Variants in CASKIN1 observed in about 807,000 individuals in gnomAD.
CASKIN1 encodes the protein CASK interacting protein 1.
A neutral mutation model predicts 117.5 loss-of-function variants in CASKIN1; 42 were observed. The ratio of observed to expected loss-of-function variants is 0.36; its 90% CI spans 0.28 to 0.46. The LOEUF is 0.46. CASKIN1 is among the 20% of genes least tolerant of loss of function. The pLI is 1.00. For missense variants in CASKIN1, 2,083 were observed against 2,077.3 expected (o/e 1.00, Z -0.05); for synonymous variants, 1,148 against 961.7 (o/e 1.19, Z -3.59).
intron 5 of CASKIN1, 30 bp downstream of exon 5, chr16:2,189,208 C>G (rs1306860271): frequency 1.2e-6 from 2 of 1,612,854 alleles, no homozygotes; most frequent in Non-Finnish European, 8.5e-7. Context: ...CTCCCCAGCC[C>G]CACCCCACAG....
At position 2,178,239 on chromosome 16, in the gene CASKIN1, C is replaced by T. The variant is rs1042233667; in HGVS notation, c.*311G>A. 1 of 410,662 alleles carries T rather than the reference C, an allele frequency of 2.4e-6. No individual in the cohort carries two copies. Among genetic ancestry groups the T allele is most frequent in the South Asian group, 2.3e-5 (1 of 44,428 alleles). The allele number at this position is 410,662 out of a possible 1,614,324, so 25.4% of individuals were successfully genotyped here. A position where few individuals can be genotyped will look rare whatever the true frequency, so the allele number is the denominator to read the frequency against. On this transcript the variant is annotated 3_prime_UTR_variant, in exon 20 of 20. Coordinates refer to ENST00000343516, the MANE Select transcript of CASKIN1 (RefSeq NM_020764.4). Reference sequence around the variant, plus strand: ...CCGATGGGCAGTTCTGTGCTGGGCCCGGGCCTGTGCGCTGCCCCATCCCTG... The same window carrying T: ...CCGATGGGCAGTTCTGTGCTGGGCCTGGGCCTGTGCGCTGCCCCATCCCTG...
At chr16:2,189,838 G>A (rs2093196078) in intron 3 of CASKIN1, among the ~76,000 whole-genome samples, 1 of 151,984 alleles carries the variant, frequency 6.6e-6, no homozygotes, top group Non-Finnish European at 1.5e-5. Context: ...TGGGGGGAAT[G>A]CTGGGAGCTG....
At chr16:2,187,817 C>T (rs1019342650) in intron 6 of CASKIN1, among the ~76,000 whole-genome samples, 1 of 151,876 alleles carries the variant, frequency 6.6e-6, no homozygotes, top group Admixed American at 6.6e-5. Flanking sequence ...GACGGGGTTT[C>T]ACCATTTTGG....
At chr16:2,192,693 C>G (rs1486688928) in intron 1 of CASKIN1, among the ~76,000 whole-genome samples, 1 of 152,212 alleles carries the variant, frequency 6.6e-6, no homozygotes, top group African/African-American at 2.4e-5. Flanking sequence ...ACCCTGCCCG[C>G]CCCGCAGCTG....
rs769638043 is a variant in CASKIN1, at chr16:2,178,532, G to A, written c.*18C>T. 81 of 1,558,982 alleles carry A rather than the reference G, an allele frequency of 5.2e-5. No homozygotes were observed. The highest frequency in any genetic ancestry group is 6.5e-5 in the Non-Finnish European group (75 of 1,159,058). On this transcript the variant is annotated 3_prime_UTR_variant, in exon 20 of 20. Transcript: ENST00000343516. ...GGGGAGGGCCCGGGCGGCGCGGGAG[G>A]GCCCGGCCAGGCGGCGTTCACTCCA...
In CASKIN1 at chr16:2,184,876, C is replaced by A. The variant is rs767186516; in HGVS notation, c.1325-8G>T. Reference sequence around the variant, plus strand: ...GCTGGGACCGGGCCACACCTGAGGACGAGAGTGGGTGGGGGACAAGGGCTG... The same window carrying A: ...GCTGGGACCGGGCCACACCTGAGGAAGAGAGTGGGTGGGGGACAAGGGCTG... On this transcript the variant is annotated splice_polypyrimidine_tract_variant and splice_region_variant and intron_variant, in intron 13 of 19. Transcript: ENST00000343516. The A allele has an allele frequency of 6.4e-7, 1 of 1,574,610 alleles. No individual in the cohort carries two copies.
Position 2,181,316 on chromosome 16 carries a change from G to A in CASKIN1, c.2052C>T (p.Pro684=). 3 of 1,605,046 alleles carry A rather than the reference G, an allele frequency of 1.9e-6. No individual in the cohort carries two copies. Among genetic ancestry groups the A allele is most frequent in the Non-Finnish European group, 2.5e-6 (3 of 1,178,732 alleles). ...TTEKPSSHLP[P]TPRATTRQDS... is the part of the protein sequence containing the mutation. The stretch of plus-strand genomic sequence containing the variant: ...CCTGCCGCGTGGTGGCCCTCGGGGT[G>A]GGTGGCAGGTGGCTGGAGGGCTTCT... Residue 684 remains proline, a synonymous_variant, in exon 18 of 20, where the codon CCC becomes CCT. Coordinates refer to ENST00000343516, the MANE Select transcript of CASKIN1 (RefSeq NM_020764.4).
At position 2,186,727 on chromosome 16, in the gene CASKIN1, T is replaced by G. The variant is rs1197580988; in HGVS notation, c.1028A>C (p.Glu343Ala). 2 of 1,612,640 alleles carry G rather than the reference T, an allele frequency of 1.2e-6. No individual in the cohort carries two copies. The highest frequency in any genetic ancestry group is 1.7e-6 in the Non-Finnish European group (2 of 1,179,876). Residue 343 changes from glutamate to alanine, a missense_variant, in exon 10 of 20, where the codon GAG becomes GCG. Glu to Ala is a moderately radical substitution (Grantham distance 107). This residue lies in a region of CASKIN1 where 1,818 missense variants were observed against 1,688.9 expected (regional missense o/e 1.08). Transcript: ENST00000343516. ...CTTGCCTGCTCGCTTGACAATGGCC[T>G]CGCCCAGGGAGGACGGGAAGTAGCC... ...RVGYFPSSLG[E>A]AIVKRAGSRA... is the part of the protein sequence containing the mutation.
At position 2,181,385 on chromosome 16, in the gene CASKIN1, C is replaced by A. The variant is rs776250379; in HGVS notation, c.1983G>T (p.Leu661=). The A allele has an allele frequency of 3.1e-6, 5 of 1,609,726 alleles. No individual in the cohort carries two copies. The African/African-American group carries it at 4.0e-5, about 13-fold the overall frequency. Residue 661 remains leucine, a synonymous_variant, in exon 18 of 20, where the codon CTG becomes CTT. Coordinates refer to ENST00000343516, the MANE Select transcript of CASKIN1 (RefSeq NM_020764.4). ...CAGCCGGGCCAGTCATGGCAGCCTG[C>A]AGCTCGTCACTGAGCTCGCTGTCCT... ...TFQDSELSDE[L]QAAMTGPAEV...
intron 6 of CASKIN1, among the ~76,000 whole-genome samples, chr16:2,188,086 C>T (rs906089369): frequency 9.4e-5 from 14 of 149,280 alleles, no homozygotes; most frequent in African/African-American, 2.7e-4. Flanking sequence ...GTAAAGACCA[C>T]GTCTTGCTAT....
intron 6 of CASKIN1, 56 bp from the exon 7 acceptor site, chr16:2,187,517 C>T: frequency 1.4e-6 from 2 of 1,436,014 alleles, no homozygotes; most frequent in South Asian, 2.3e-5. Context: ...CCGGCCCCAG[C>T]ACCCCCAAGC....
At position 2,177,502 on chromosome 16, in the gene CASKIN1, C is replaced by T. The variant is rs1465813264; in HGVS notation, c.*1048G>A. On this transcript the variant is annotated 3_prime_UTR_variant, in exon 20 of 20. Coordinates refer to ENST00000343516, the MANE Select transcript of CASKIN1 (RefSeq NM_020764.4). ...CGATAGAGGAGACCAGTCAGTACTT[C>T]TTGGAGGGGGCAGGAGGAGAGAGGA... 4.3e-6 allele frequency: 1 copy of T among 233,554 alleles called. No individual in the cohort carries two copies. The highest frequency in any genetic ancestry group is 8.4e-6 in the Non-Finnish European group (1 of 118,356). 14.5% of individuals were successfully genotyped at this position (233,554 alleles called of 1,614,324 possible). A position where few individuals can be genotyped will look rare whatever the true frequency, so the allele number is the denominator to read the frequency against.
chr16:2,189,896 C>T (rs1178071085), intron 3 of CASKIN1, among the ~76,000 whole-genome samples, 177 bp downstream of exon 3: 2 of 152,030 alleles, frequency 1.3e-5, no homozygotes, highest in African/African-American at 4.8e-5. Flanking sequence ...GTGCTAGGAG[C>T]TGACCCCTCA....
rs760514331 is a variant in CASKIN1 at position 2,189,012 on chromosome 16, T to G, written c.617+15A>C. 3.7e-6 allele frequency: 6 copies of G among 1,605,684 alleles called. No individual in the cohort carries two copies. The highest frequency in any genetic ancestry group is 4.3e-6 in the Non-Finnish European group (5 of 1,174,676). ...GGGACCCTAAGGCTGAGGCCCTCCC[T>G]GCTACCGGCTCTACCTGATGATGTC... On this transcript the variant is annotated intron_variant, in intron 6 of 19. Coordinates refer to ENST00000343516, the MANE Select transcript of CASKIN1 (RefSeq NM_020764.4).
chr16:2,189,794 C>G (rs2093195877), intron 3 of CASKIN1, among the ~76,000 whole-genome samples: 1 of 149,924 alleles, frequency 6.7e-6, no homozygotes, highest in African/African-American at 2.5e-5. Context: ...ATGCTGGGAG[C>G]TGACCCTTGA....
At position 2,180,680 on chromosome 16, in the gene CASKIN1, G is replaced by C. The variant is rs200500431; in HGVS notation, c.2688C>G (p.Asp896Glu). Residue 896 changes from aspartate (D) to glutamate (E), a missense_variant, in exon 18 of 20, where the codon GAC becomes GAG. Coordinates refer to ENST00000343516, the MANE Select transcript of CASKIN1 (RefSeq NM_020764.4). ...YAASDSEPERDELLVPAAAGP... is the reference protein window; with the variant it reads ...YAASDSEPEREELLVPAAAGP... ...CGGCAGCCGCAGGCACCAGCAGCTC[G>C]TCCCGCTCCGGCTCGCTGTCGGACG... 2 of 1,508,976 alleles carry C rather than the reference G, an allele frequency of 1.3e-6. No homozygotes were observed. Among genetic ancestry groups the C allele is most frequent in the Non-Finnish European group, 8.8e-7 (1 of 1,133,922 alleles). 93.5% of individuals were successfully genotyped at this position (1,508,976 alleles called of 1,614,324 possible).
chr16:2,178,101 C>G lies in CASKIN1; in HGVS notation c.*449G>C, dbSNP rs1311341891. 2 of 504,772 alleles carry G rather than the reference C, an allele frequency of 4.0e-6. No homozygotes were observed. The highest frequency in any genetic ancestry group is 4.8e-5 in the Admixed American group (2 of 41,782). 31.3% of individuals were successfully genotyped at this position (504,772 alleles called of 1,614,324 possible). ...CTGGGGAAATCCGCCTCAGCTCATT[C>G]CCAATAAATTAATACTCTTGATAGC... On this transcript the variant is annotated 3_prime_UTR_variant, in exon 20 of 20. Transcript: ENST00000343516.
rs974383896 is a variant in CASKIN1 at position 2,182,884 on chromosome 16, G to A, written c.1629+762C>T. Reference sequence around the variant, plus strand: ...CGGCTCACTGCAAGCTCCGCCTCCCGGGTTCATGCCATTCTCCTGCCTCAG... The same window carrying A: ...CGGCTCACTGCAAGCTCCGCCTCCCAGGTTCATGCCATTCTCCTGCCTCAG... On this transcript the variant is annotated intron_variant, in intron 16 of 19. Transcript: ENST00000343516. The surrounding 1 kb of genome is among the most constrained non-coding windows in gnomAD (Gnocchi z 4.1). Among the ~76,000 whole-genome samples, 2 of 152,216 alleles carry A rather than the reference G, an allele frequency of 1.3e-5. No individual in the cohort carries two copies. The highest frequency in any genetic ancestry group is 2.9e-5 in the Non-Finnish European group (2 of 68,032).
At chr16:2,178,723 GT>G (rs1479651696) in intron 19 of CASKIN1, 77 bp from the exon 20 acceptor site, 5 of 1,385,934 alleles carry the variant, frequency 3.6e-6, no homozygotes, top group Admixed American at 2.5e-5. Context: ...ACACGCCCAC[GT>G]CCCGCATCTC....
Sources: gnomAD v4.1 joint callset for allele counts (sites outside exome capture counted in the v4.1 genomes callset) on GRCh38, gnomAD v4.1.1 for gene constraint, gnomAD v4.1.1 regional missense constraint, Gnocchi (gnomAD v3.1) non-coding constraint, MANE v1.5 for transcripts, NCBI Gene and HGNC (gene_info 2026-07-23, HGNC 2026-07-21) for gene names.